Variants in EIF4E2 observed in about 807,000 individuals in gnomAD.
EIF4E2 encodes eukaryotic translation initiation factor 4E family member 2, also known as eukaryotic translation initiation factor 4E type 2.
In EIF4E2, 13 loss-of-function variants were observed where a neutral mutation model predicts 34.2. That is an observed-to-expected ratio of 0.38 (90% CI 0.25 to 0.60). The LOEUF (loss-of-function observed/expected upper bound fraction) is 0.60, where lower values mean the gene tolerates loss of function less well. EIF4E2 is among the 20% of genes least tolerant of loss of function. The probability of loss-of-function intolerance (pLI) is 0.62; values close to 1 mark genes in which losing one functional copy is unlikely to be tolerated. For synonymous variants in EIF4E2, 100 were observed against 106.6 expected, an observed-to-expected ratio of 0.94 and a Z score of 0.38; for missense variants, 222 against 315.1, an observed-to-expected ratio of 0.70 and a Z score of 2.24.
intron 3 of EIF4E2, among the ~76,000 whole-genome samples, chr2:232,559,068 G>A (rs969188467): frequency 2.1e-4 from 32 of 149,916 alleles, no homozygotes; most frequent in Non-Finnish European, 4.7e-4. Context: ...TGTTTAAAAT[G>A]CAGAAACTAC....
intron 1 of EIF4E2, among the ~76,000 whole-genome samples, chr2:232,555,483 CTG>C (rs1282893990): frequency 6.6e-6 from 1 of 152,222 alleles, no homozygotes; most frequent in East Asian, 1.9e-4. Flanking sequence ...TCGTTTGACT[CTG>C]TGCTTATGAA....
chr2:232,575,370 A>G (rs1693186851), intron 6 of EIF4E2, among the ~76,000 whole-genome samples: 1 of 97,900 alleles, frequency 1.0e-5, no homozygotes, highest in South Asian at 2.9e-4. Context: ...CACACAAGTG[A>G]TGCCACCCAT....
chr2:232,568,685 A>G, intron 6 of EIF4E2: 2 of 985,394 alleles, frequency 2.0e-6, no homozygotes, highest in Non-Finnish European at 2.4e-6. Flanking sequence ...CTAATACCAT[A>G]AGGCAGTTCT....
At chr2:232,570,011 G>C (rs191775503), downstream of EIF4E2, among the ~76,000 whole-genome samples, 50 of 152,254 alleles carry the variant, frequency 3.3e-4, no homozygotes, top group African/African-American at 1.2e-3. Flanking sequence ...GCTACTTTAG[G>C]TTTTCTTAGG....
At chr2:232,577,541 G>T (rs1426158968) in intron 6 of EIF4E2, among the ~76,000 whole-genome samples, 1 of 152,160 alleles carries the variant, frequency 6.6e-6, no homozygotes, top group East Asian at 1.9e-4. Context: ...GTTGGAACTT[G>T]TCCATTTCTC....
At chr2:232,574,168 T>C, downstream of EIF4E2, 1 of 1,284,740 alleles carries the variant, frequency 7.8e-7, no homozygotes, top group Non-Finnish European at 1.1e-6. Context: ...TTGGAGGGCA[T>C]CTGAAGGGGG....
At chr2:232,559,533 T>C (rs1692645779) in intron 3 of EIF4E2, among the ~76,000 whole-genome samples, 2 of 152,182 alleles carry the variant, frequency 1.3e-5, no homozygotes, top group South Asian at 4.1e-4. Flanking sequence ...GGACATATAA[T>C]ACATACTTTA....
intron 4 of EIF4E2, 71 bp downstream of exon 4, chr2:232,564,422 C>T: frequency 2.5e-6 from 2 of 799,344 alleles, no homozygotes; most frequent in South Asian, 3.6e-5. Flanking sequence ...CTTAGCCCTG[C>T]CAAGGTTAAA....
Position 232,581,440 on chromosome 2 carries a change from T to A in EIF4E2, c.*497T>A, listed in dbSNP as rs1693358762. 1 of 299,736 alleles carries A rather than the reference T, an allele frequency of 3.3e-6. No individual in the cohort carries two copies. The highest frequency in any genetic ancestry group is 2.2e-5 in the African/African-American group (1 of 45,076). The allele number at this position is 299,736 out of a possible 1,614,324, so 18.6% of individuals were successfully genotyped here. On this transcript the variant is annotated 3_prime_UTR_variant, in exon 7 of 7. Transcript: ENST00000409098. This position sits in a 1 kb window ranked among gnomAD's most constrained non-coding sequence, Gnocchi z 5.2. The stretch of plus-strand genomic sequence containing the variant: ...TATTGGGACATTTTGTTTCTTTCTC[T>A]CCCCTCCTCCAAGCCCACCACTTTC...
intron 3 of EIF4E2, among the ~76,000 whole-genome samples, chr2:232,562,308 C>T (rs1311079306): frequency 3.9e-5 from 6 of 152,056 alleles, no homozygotes; most frequent in Admixed American, 2.6e-4. Context: ...GGGCTGGGCG[C>T]GGTGGCTCAC....
intron 6 of EIF4E2, among the ~76,000 whole-genome samples, chr2:232,580,084 C>CCACACACACACACACACACA (rs6147227): frequency 5.5e-5 from 8 of 145,170 alleles, no homozygotes; most frequent in Non-Finnish European, 9.0e-5. Context: ...CACATACATA[C>CCACACACACACACACACACA]CACACACACA....
At chr2:232,569,648 C>T (rs1693044306), downstream of EIF4E2, 1 of 152,238 alleles carries the variant, frequency 6.6e-6, no homozygotes, top group Non-Finnish European at 1.5e-5. Context: ...TATATAGCTT[C>T]CTTGCTTTGT....
At chr2:232,574,182 T>C, downstream of EIF4E2, 2 of 1,372,840 alleles carry the variant, frequency 1.5e-6, no homozygotes, top group South Asian at 1.2e-5. Flanking sequence ...AAGGGGGATG[T>C]GGGGTTATTG....
At position 232,566,481 on chromosome 2, in the gene EIF4E2, C is replaced by T. The variant is rs760224861; in HGVS notation, c.376-348C>T. Among the ~76,000 whole-genome samples, 8 of 152,238 alleles carry T rather than the reference C, an allele frequency of 5.3e-5. No homozygotes were observed. Among genetic ancestry groups the T allele is most frequent in the Admixed American group, 1.3e-4 (2 of 15,288 alleles). ...TTGGGATTACGGGCGTGAGCCACTGCGCCCAGCAGACATTCAGTACTTTTA... is the reference window on the plus strand; with the variant it reads ...TTGGGATTACGGGCGTGAGCCACTGTGCCCAGCAGACATTCAGTACTTTTA... On this transcript the variant is annotated intron_variant, in intron 4 of 6. Transcript: ENST00000258416. This position sits in a 1 kb window ranked among gnomAD's most constrained non-coding sequence, Gnocchi z 4.9.
intron 6 of EIF4E2, chr2:232,567,534 T>G: frequency 8.1e-7 from 1 of 1,239,544 alleles, no homozygotes; most frequent in Non-Finnish European, 1.0e-6. Context: ...CAAGTGCTTT[T>G]CTTTTTCTTG....
intron 6 of EIF4E2, among the ~76,000 whole-genome samples, chr2:232,580,195 G>C (rs1281471523): frequency 6.6e-6 from 1 of 151,630 alleles, no homozygotes; most frequent in Non-Finnish European, 1.5e-5. Context: ...TTACTTCCTG[G>C]AATATCCTTT....
At chr2:232,558,091 A>G (rs1460887188) in intron 3 of EIF4E2, 73 bp downstream of exon 3, 8 of 1,544,780 alleles carry the variant, frequency 5.2e-6, no homozygotes, top group Non-Finnish European at 7.0e-6. Context: ...ATGTTTATTT[A>G]CTTTCCTAGT....
chr2:232,567,859 G>A (rs1344381070), intron 6 of EIF4E2: 9 of 985,382 alleles, frequency 9.1e-6, no homozygotes, highest in Non-Finnish European at 8.4e-6. Flanking sequence ...AGTGTCAGAA[G>A]TAAGCTCAGG....
chr2:232,557,801 A>C (rs1416037797), intron 2 of EIF4E2, 83 bp from the exon 3 acceptor site: 2 of 1,478,640 alleles, frequency 1.4e-6, no homozygotes, highest in Non-Finnish European at 1.8e-6. Context: ...TGGAGGTGGT[A>C]AGGATTGACA....
Sources: gnomAD v4.1 joint callset for allele counts (sites outside exome capture counted in the v4.1 genomes callset) on GRCh38, gnomAD v4.1.1 for gene constraint, Gnocchi (gnomAD v3.1) non-coding constraint, MANE v1.5 for transcripts, NCBI Gene and HGNC (gene_info 2026-07-23, HGNC 2026-07-21) for gene names.